TLR5: variants seen among roughly 807,000 people sequenced by gnomAD.
TLR5 encodes toll-like receptor 5.
For synonymous variants in TLR5, 373 were observed against 384.4 expected, an observed-to-expected ratio of 0.97 and a Z score of 0.35; for missense variants, 944 against 999.8, an observed-to-expected ratio of 0.94 and a Z score of 0.75.
chr1:223,117,724 G>A (rs536790872), intron 5 of TLR5, among the ~76,000 whole-genome samples: 2 of 152,296 alleles, frequency 1.3e-5, no homozygotes, highest in South Asian at 4.1e-4. Flanking sequence ...GGCTCTTGAT[G>A]GGGACAGCTG....
chr1:223,130,048 G>T (rs1051213534), intron 5 of TLR5, among the ~76,000 whole-genome samples: 4 of 152,150 alleles, frequency 2.6e-5, no homozygotes, highest in Non-Finnish European at 5.9e-5. Context: ...CATTAGCAAT[G>T]GGTGGGGGCT....
intron 4 of TLR5, chr1:223,134,261 C>T (rs1657515672): frequency 1.3e-5 from 2 of 152,104 alleles, no homozygotes; most frequent in Admixed American, 1.3e-4. Context: ...AAGTAGGCAG[C>T]CATCATTTAC....
intron 5 of TLR5, among the ~76,000 whole-genome samples, chr1:223,117,478 G>A (rs1288241981): frequency 2.0e-5 from 3 of 148,230 alleles, no homozygotes; most frequent in Admixed American, 6.8e-5. Flanking sequence ...CTGCCAGCAC[G>A]CTGTCACCTC....
At chr1:223,134,174 C>T (rs2102929914) in intron 4 of TLR5, among the ~76,000 whole-genome samples, 1 of 152,268 alleles carries the variant, frequency 6.6e-6, no homozygotes, top group South Asian at 2.1e-4. Flanking sequence ...CTGCTTCCGG[C>T]TTCCAGGGAT....
intron 2 of TLR5, among the ~76,000 whole-genome samples, chr1:223,139,894 C>T (rs951783815): frequency 1.3e-5 from 2 of 152,194 alleles, no homozygotes; most frequent in Admixed American, 6.5e-5. Flanking sequence ...TCACTGTTAC[C>T]TATAAGGGCT....
intron 2 of TLR5, among the ~76,000 whole-genome samples, chr1:223,138,754 C>G (rs1351528314): frequency 6.6e-6 from 1 of 152,198 alleles, no homozygotes; most frequent in Non-Finnish European, 1.5e-5. Context: ...CTGCAGCACA[C>G]CATCTCCACC....
chr1:223,136,706 G>A (rs2241096), intron 3 of TLR5, among the ~76,000 whole-genome samples: 12,865 of 152,254 alleles, frequency 0.084, 811 homozygotes, highest in East Asian at 0.26. Flanking sequence ...TTCCCTGACT[G>A]TAAAATGGGA....
Position 223,110,685 on chromosome 1 carries a change from G to A in TLR5, c.2347C>T (p.Leu783Phe), listed in dbSNP as rs1347770344. Reference sequence around the variant, plus strand: ...ACCACCATGATGAGAGCACTGTTAAGGTCAGATAAGCACCTGCCCTGGGCA... The same window carrying A: ...ACCACCATGATGAGAGCACTGTTAAAGTCAGATAAGCACCTGCCCTGGGCA... ...SYAQGRCLSD[L>F]NSALIMVVVG... Residue 783 changes from leucine to phenylalanine, a missense_variant, in exon 6 of 6, where the codon CTT becomes TTT. Coordinates refer to ENST00000642603, the MANE Select transcript of TLR5 (RefSeq NM_003268.6). 4 of 1,614,170 alleles carry A rather than the reference G, an allele frequency of 2.5e-6. No homozygotes were observed. Among genetic ancestry groups the A allele is most frequent in the Non-Finnish European group, 2.5e-6 (3 of 1,180,024 alleles).
chr1:223,117,068 G>T (rs2102882225), intron 5 of TLR5, among the ~76,000 whole-genome samples: 1 of 152,292 alleles, frequency 6.6e-6, no homozygotes, highest in Middle Eastern at 3.4e-3. Flanking sequence ...GGGGGACTCG[G>T]GTATGGCGGG....
chr1:223,128,770 C>T (rs998587053), intron 5 of TLR5: 2 of 152,192 alleles, frequency 1.3e-5, no homozygotes, highest in African/African-American at 4.8e-5. Context: ...AAGTTCACTC[C>T]AGCCTCTGAA....
intron 5 of TLR5, among the ~76,000 whole-genome samples, chr1:223,116,944 G>A (rs1383943452): frequency 6.6e-6 from 1 of 152,214 alleles, no homozygotes; most frequent in Admixed American, 6.5e-5. Context: ...CTGCCCGCCA[G>A]TCCCACCCCA....
At position 223,110,869 on chromosome 1, in the gene TLR5, G is replaced by T; in HGVS notation, c.2163C>A (p.Asp721Glu). 6.2e-7 allele frequency: 1 copy of T among 1,614,212 alleles called. No homozygotes were observed. The highest frequency in any genetic ancestry group is 8.5e-7 in the Non-Finnish European group (1 of 1,180,046). ...CAAAGCACAGGTTGAATCTGTTTTG[G>T]TCACTGTATTGAGTGTCCAGGTGTT... ...LLKHLDTQYSDQNRFNLCFEE... is the reference protein window; with the variant it reads ...LLKHLDTQYSEQNRFNLCFEE... Residue 721 changes from aspartate to glutamate, a missense_variant, in exon 6 of 6, where the codon GAC becomes GAA. Transcript: ENST00000642603.
intron 5 of TLR5, among the ~76,000 whole-genome samples, chr1:223,126,611 G>A (rs1414632824): frequency 6.6e-6 from 1 of 152,180 alleles, no homozygotes; most frequent in Non-Finnish European, 1.5e-5. Flanking sequence ...GGCCTGGAAA[G>A]TGCATTTTAT....
chr1:223,140,965 C>T (rs1657813763), intron 2 of TLR5, among the ~76,000 whole-genome samples: 1 of 152,208 alleles, frequency 6.6e-6, no homozygotes, highest in Non-Finnish European at 1.5e-5. Context: ...GGGTTTGTCC[C>T]AGAGAGCGGA....
At chr1:223,136,984 C>T (rs5744137) in intron 3 of TLR5, among the ~76,000 whole-genome samples, 194 bp downstream of exon 3, 1 of 152,048 alleles carries the variant, frequency 6.6e-6, no homozygotes, top group East Asian at 1.9e-4. Context: ...CTACCATGCC[C>T]AGCTAATCTT....
In TLR5 at chr1:223,112,753, G is replaced by A; in HGVS notation, c.279C>T (p.Asn93=). ...PLTIDKEAFR[N]LPNLRILDLG... ...GGTCCAAGATTCTAAGGTTGGGCAG[G>A]TTTCTGAAGGCCTCCTTGTCAATAG... The change falls in exon 6 of 6, where the codon AAC becomes AAT. Residue 93 remains asparagine, a synonymous_variant. Transcript: ENST00000642603. 6.2e-7 allele frequency: 1 copy of A among 1,614,114 alleles called. No individual in the cohort carries two copies. The highest frequency in any genetic ancestry group is 8.5e-7 in the Non-Finnish European group (1 of 1,180,006).
chr1:223,119,978 TAAATAAAATA>T lies in TLR5; in HGVS notation c.-4-6953_-4-6944del, dbSNP rs1553268250. ...TAAAATAAAATAAAATAAAATAAAA[TAAATAAAATA>T]AAATAAAATAAAATAAAATAAAATA... is the stretch of plus-strand genomic sequence containing the variant. On this transcript the variant is annotated intron_variant, in intron 5 of 5. Coordinates refer to ENST00000642603, the MANE Select transcript of TLR5 (RefSeq NM_003268.6). Among the ~76,000 whole-genome samples the T allele has an allele frequency of 2.4e-3, 98 of 41,670 alleles. 10 individuals carry two copies. Among genetic ancestry groups the T allele is most frequent in the African/African-American group, 0.013 (71 of 5,634 alleles). The allele number at this position is 41,670 out of a possible 152,430, so 27.3% of individuals were successfully genotyped here. A position where few individuals can be genotyped will look rare whatever the true frequency, so the allele number is the denominator to read the frequency against.
intron 5 of TLR5, among the ~76,000 whole-genome samples, chr1:223,124,191 C>T (rs1657066603): frequency 1.3e-5 from 2 of 152,198 alleles, no homozygotes; most frequent in Non-Finnish European, 2.9e-5. Flanking sequence ...CGCCTGTAAT[C>T]CCAGCACTTT....
At chr1:223,116,033 A>G (rs1656618868) in intron 5 of TLR5, among the ~76,000 whole-genome samples, 1 of 152,222 alleles carries the variant, frequency 6.6e-6, no homozygotes, top group Non-Finnish European at 1.5e-5. Flanking sequence ...GTGTTTCCCC[A>G]GCGAGACTTC....
Sources: allele counts gnomAD v4.1 joint callset (sites outside exome capture counted in the v4.1 genomes callset), GRCh38; gene constraint gnomAD v4.1.1; transcripts MANE v1.5; gene names NCBI Gene and HGNC (gene_info 2026-07-23, HGNC 2026-07-21).